Variants in TIMM10B observed in about 807,000 individuals in gnomAD.
The protein encoded by TIMM10B is translocase of inner mitochondrial membrane 10B, also known as mitochondrial import inner membrane translocase subunit Tim10 B.
Under a neutral mutation model 12.6 loss-of-function variants are expected in TIMM10B, and 17 were observed. That is an observed-to-expected ratio of 1.35 (90% CI 0.92 to 2.03). The LOEUF (loss-of-function observed/expected upper bound fraction) is 2.03. TIMM10B is among the 30% of genes most tolerant of loss of function. TIMM10B has a pLI of 0.00. For missense variants in TIMM10B, 165 were observed against 133.3 expected, an observed-to-expected ratio of 1.24 and a Z score of -1.17; for synonymous variants, 63 against 51.3, an observed-to-expected ratio of 1.23 and a Z score of -0.97.
chr11:6,481,551 G>T lies in TIMM10B; in HGVS notation c.35G>T (p.Arg12Leu). 6.2e-7 allele frequency: 1 copy of T among 1,608,276 alleles called. No homozygotes were observed. The highest frequency in any genetic ancestry group is 2.2e-5 in the East Asian group (1 of 44,722). ...CAGCAGCAGCAGCAACAGCAACTGCGAAACGTAAGTGAGAACTAAGTCGTT... is the reference window on the plus strand; with the variant it reads ...CAGCAGCAGCAGCAACAGCAACTGCTAAACGTAAGTGAGAACTAAGTCGTT... ...ERQQQQQQQL[R>L]NLRDFLLVYN... Residue 12 changes from arginine to leucine, a missense_variant, in exon 1 of 3, where the codon CGA (arginine) becomes CTA (leucine). By Grantham distance (102) the Arg-to-Leu change is moderately radical (BLOSUM62 -2). Transcript: ENST00000254616.
At position 6,481,832 on chromosome 11, in the gene TIMM10B, C is replaced by G; in HGVS notation, c.115C>G (p.Arg39Gly). ...GCGCTGTGTGCCCAGCTTGCACCACCGAGCTCTGGACGCTGAGGAGGTGGG... is the reference window on the plus strand; with the variant it reads ...GCGCTGTGTGCCCAGCTTGCACCACGGAGCTCTGGACGCTGAGGAGGTGGG... ...FQRCVPSLHHRALDAEEEACL... is the reference protein window; with the variant it reads ...FQRCVPSLHHGALDAEEEACL... Residue 39 changes from arginine (R) to glycine (G), a missense_variant, in exon 2 of 3, where the codon CGA becomes GGA. By Grantham distance (125) the Arg-to-Gly change is moderately radical. Coordinates refer to ENST00000254616, the MANE Select transcript of TIMM10B (RefSeq NM_012192.4). 6.2e-7 allele frequency: 1 copy of G among 1,613,986 alleles called. No homozygotes were observed. The highest frequency in any genetic ancestry group is 8.5e-7 in the Non-Finnish European group (1 of 1,180,036).
chr11:6,482,942 A>T lies in TIMM10B; in HGVS notation c.*721A>T, dbSNP rs1005427248. ...CTCCTTGGGAAGTTAGTGGCCACAG[A>T]AGAGAGATGAAACCTGTAAGAAGTC... On this transcript the variant is annotated 3_prime_UTR_variant, in exon 3 of 3. Coordinates refer to ENST00000254616, the MANE Select transcript of TIMM10B (RefSeq NM_012192.4). 1.3e-5 allele frequency: 2 copies of T among 152,240 alleles called. No homozygotes were observed. The highest frequency in any genetic ancestry group is 4.8e-5 in the African/African-American group (2 of 41,448). The allele number at this position is 152,240 out of a possible 1,614,324, so 9.4% of individuals were successfully genotyped here.
rs1851827117 is a variant in TIMM10B, at chr11:6,482,294, G to A, written c.*73G>A. The A allele has an allele frequency of 7.0e-7, 1 of 1,428,544 alleles. No individual in the cohort carries two copies. The allele number at this position is 1,428,544 out of a possible 1,614,324, so 88.5% of individuals were successfully genotyped here. A position where few individuals can be genotyped will look rare whatever the true frequency, so the allele number is the denominator to read the frequency against. On this transcript the variant is annotated 3_prime_UTR_variant, in exon 3 of 3. Transcript: ENST00000254616. ...AAGGACCCGGTGGACCTTGGGGTTGGTGAATCCTAAACAGAGAGAATTCGA... is the reference window on the plus strand; with the variant it reads ...AAGGACCCGGTGGACCTTGGGGTTGATGAATCCTAAACAGAGAGAATTCGA...
Position 6,482,046 on chromosome 11 carries a change from A to G in TIMM10B, c.137A>G (p.Glu46Gly). ...ACTTAAACCCTATCTTCCTTCTAGG[A>G]GGCCTGTCTGCACAGCTGTGCTGGG... Reference protein sequence around the residue: ...LHHRALDAEEEACLHSCAGKL... With the variant: ...LHHRALDAEEGACLHSCAGKL... Residue 46 changes from glutamate (E) to glycine (G), a missense_variant and splice_region_variant, in exon 3 of 3, where the codon GAG becomes GGG. Physicochemically the swap from Glu to Gly is moderately conservative, Grantham distance 98. Transcript: ENST00000254616. 1 of 1,611,504 alleles carries G rather than the reference A, an allele frequency of 6.2e-7. No homozygotes were observed. The highest frequency in any genetic ancestry group is 8.5e-7 in the Non-Finnish European group (1 of 1,177,968).
At chr11:6,481,928 C>T (rs1405974215) in intron 2 of TIMM10B, 76 bp downstream of exon 2, 2 of 1,602,794 alleles carry the variant, frequency 1.2e-6, no homozygotes, top group South Asian at 1.1e-5. Context: ...CCCCACTTCC[C>T]GTACCTCTGG....
chr11:6,482,060 A>G lies in TIMM10B; in HGVS notation c.151A>G (p.Ser51Gly). Residue 51 changes from serine to glycine, a missense_variant, in exon 3 of 3, where the codon AGC becomes GGC. Ser to Gly is a moderately conservative substitution (Grantham distance 56). Coordinates refer to ENST00000254616, the MANE Select transcript of TIMM10B (RefSeq NM_012192.4). Reference sequence around the variant, plus strand: ...TTCCTTCTAGGAGGCCTGTCTGCACAGCTGTGCTGGGAAGCTGATCCATTC... The same window carrying G: ...TTCCTTCTAGGAGGCCTGTCTGCACGGCTGTGCTGGGAAGCTGATCCATTC... ...LDAEEEACLHSCAGKLIHSNH... is the reference protein window; with the variant it reads ...LDAEEEACLHGCAGKLIHSNH... The G allele has an allele frequency of 1.2e-6, 2 of 1,613,570 alleles. No homozygotes were observed. The highest frequency in any genetic ancestry group is 1.7e-6 in the Non-Finnish European group (2 of 1,179,598).
In TIMM10B at chr11:6,482,289, G is replaced by A. The variant is rs1182288659; in HGVS notation, c.*68G>A. ...GATTGAAGGACCCGGTGGACCTTGG[G>A]GTTGGTGAATCCTAAACAGAGAGAA... On this transcript the variant is annotated 3_prime_UTR_variant, in exon 3 of 3. Coordinates refer to ENST00000254616, the MANE Select transcript of TIMM10B (RefSeq NM_012192.4). 47 of 1,450,614 alleles carry A rather than the reference G, an allele frequency of 3.2e-5. No individual in the cohort carries two copies. The highest frequency in any genetic ancestry group is 4.2e-5 in the African/African-American group (3 of 71,370). The allele number at this position is 1,450,614 out of a possible 1,614,324, so 89.9% of individuals were successfully genotyped here. A position where few individuals can be genotyped will look rare whatever the true frequency, so the allele number is the denominator to read the frequency against.
Position 6,482,173 on chromosome 11 carries a change from G to A in TIMM10B, c.264G>A (p.Val88=). 6.2e-7 allele frequency: 1 copy of A among 1,610,952 alleles called. No homozygotes were observed. Among genetic ancestry groups the A allele is most frequent in the African/African-American group, 1.3e-5 (1 of 75,062 alleles). The part of the protein sequence containing the change: ...RIADYEAASA[V]PGVAAEQPGV... ...CAGACTACGAGGCTGCCTCGGCTGT[G>A]CCAGGCGTTGCTGCTGAACAGCCTG... Residue 88 remains valine, a synonymous_variant, in exon 3 of 3, where the codon GTG becomes GTA. Transcript: ENST00000254616.
In TIMM10B at chr11:6,481,785, G is replaced by T. The variant is rs1384076079; in HGVS notation, c.68G>T (p.Arg23Leu). The change falls in exon 2 of 3, where the codon CGG (arginine) becomes CTG (leucine). Residue 23 changes from arginine to leucine, a missense_variant. Transcript: ENST00000254616. ...CGTGACTTCCTGTTGGTCTACAATC[G>T]GATGACAGAACTCTGCTTCCAGCGC... ...NLRDFLLVYNRMTELCFQRCV... is the reference protein window; with the variant it reads ...NLRDFLLVYNLMTELCFQRCV... The T allele has an allele frequency of 1.2e-6, 2 of 1,613,978 alleles. No homozygotes were observed. The highest frequency in any genetic ancestry group is 8.5e-7 in the Non-Finnish European group (1 of 1,180,042).
chr11:6,481,539 A>T lies in TIMM10B; in HGVS notation c.23A>T (p.Gln8Leu). 8 of 1,611,876 alleles carry T rather than the reference A, an allele frequency of 5.0e-6. No homozygotes were observed. The highest frequency in any genetic ancestry group is 6.8e-6 in the Non-Finnish European group (8 of 1,179,266). MERQQQQ[Q>L]QQLRNLRDFL... is the part of the protein sequence containing the mutation. Reference sequence around the variant, plus strand: ...GTGATGGAGCGGCAGCAGCAGCAGCAACAGCAACTGCGAAACGTAAGTGAG... The same window carrying T: ...GTGATGGAGCGGCAGCAGCAGCAGCTACAGCAACTGCGAAACGTAAGTGAG... The change falls in exon 1 of 3, where the codon CAA (glutamine) becomes CTA (leucine). Residue 8 changes from glutamine to leucine, a missense_variant. By Grantham distance (113) the Gln-to-Leu change is moderately radical (BLOSUM62 -2). Coordinates refer to ENST00000254616, the MANE Select transcript of TIMM10B (RefSeq NM_012192.4).
rs769008972 is a variant in TIMM10B at position 6,481,521 on chromosome 11, A to AGCG, written c.8_10dup (p.Arg3dup). ...ACGGCATGCGCCGGTGGCGTGATGG[A>AGCG]GCGGCAGCAGCAGCAGCAACAGCAA... On this transcript the variant is annotated inframe_insertion, in exon 1 of 3. Coordinates refer to ENST00000254616, the MANE Select transcript of TIMM10B (RefSeq NM_012192.4). 9.3e-6 allele frequency: 15 copies of AGCG among 1,611,994 alleles called. No homozygotes were observed. Among genetic ancestry groups the AGCG allele is most frequent in the African/African-American group, 4.0e-5 (3 of 74,608 alleles).
Position 6,481,760 on chromosome 11 carries a change from C to G in TIMM10B, c.43C>G (p.Arg15Gly), listed in dbSNP as rs770110036. 4 of 1,614,140 alleles carry G rather than the reference C, an allele frequency of 2.5e-6. No homozygotes were observed. Among genetic ancestry groups the G allele is most frequent in the Non-Finnish European group, 3.4e-6 (4 of 1,180,036 alleles). Residue 15 changes from arginine to glycine, a missense_variant, in exon 2 of 3, where the codon CGT becomes GGT. Transcript: ENST00000254616. The part of the protein sequence containing the change: ...QQQQQQLRNL[R>G]DFLLVYNRMT... ...TGTGGTCCCCCTTTTCTCTCAGCTGCGTGACTTCCTGTTGGTCTACAATCG... is the reference window on the plus strand; with the variant it reads ...TGTGGTCCCCCTTTTCTCTCAGCTGGGTGACTTCCTGTTGGTCTACAATCG...
rs746393652 is a variant in TIMM10B, at chr11:6,482,128, C to T, written c.219C>T (p.Ala73=). The T allele has an allele frequency of 8.7e-6, 14 of 1,613,382 alleles. No individual in the cohort carries two copies. The highest frequency in any genetic ancestry group is 6.7e-5 in the Admixed American group (4 of 60,014). Residue 73 remains alanine (A), a synonymous_variant, in exon 3 of 3, where the codon GCC becomes GCT. Coordinates refer to ENST00000254616, the MANE Select transcript of TIMM10B (RefSeq NM_012192.4). ...LMAAYVQLMP[A]LVQRRIADYE... The stretch of plus-strand genomic sequence containing the variant: ...CCGCTTACGTGCAGCTCATGCCTGC[C>T]CTGGTACAGCGCCGCATCGCAGACT...
chr11:6,481,820 A>T lies in TIMM10B; in HGVS notation c.103A>T (p.Ser35Cys). The T allele has an allele frequency of 1.2e-6, 2 of 1,613,470 alleles. No homozygotes were observed. The highest frequency in any genetic ancestry group is 1.6e-4 in the Middle Eastern group (1 of 6,062). ...TELCFQRCVP[S>C]LHHRALDAEE... Reference sequence around the variant, plus strand: ...ACTCTGCTTCCAGCGCTGTGTGCCCAGCTTGCACCACCGAGCTCTGGACGC... The same window carrying T: ...ACTCTGCTTCCAGCGCTGTGTGCCCTGCTTGCACCACCGAGCTCTGGACGC... Residue 35 changes from serine to cysteine, a missense_variant, in exon 2 of 3, where the codon AGC (serine) becomes TGC (cysteine). Coordinates refer to ENST00000254616, the MANE Select transcript of TIMM10B (RefSeq NM_012192.4).
rs561685079 is a variant in TIMM10B, at chr11:6,482,402, G to T, written c.*181G>T. 2 of 594,358 alleles carry T rather than the reference G, an allele frequency of 3.4e-6. No individual in the cohort carries two copies. Among genetic ancestry groups the T allele is most frequent in the South Asian group, 2.3e-5 (1 of 43,314 alleles). 36.8% of individuals were successfully genotyped at this position (594,358 alleles called of 1,614,324 possible). A position where few individuals can be genotyped will look rare whatever the true frequency, so the allele number is the denominator to read the frequency against. ...TTACTCAGTTTGATTTATATTCTGG[G>T]CAAGGAAGCTTTGCCTACTTTATTG... is the stretch of plus-strand genomic sequence containing the variant. On this transcript the variant is annotated 3_prime_UTR_variant, in exon 3 of 3. Transcript: ENST00000254616.
Position 6,482,201 on chromosome 11 carries a change from G to T in TIMM10B, c.292G>T (p.Val98Phe). Reference protein sequence around the residue: ...VPGVAAEQPGVSPSGS With the variant: ...VPGVAAEQPGFSPSGS Reference sequence around the variant, plus strand: ...AGGCGTTGCTGCTGAACAGCCTGGGGTCTCTCCATCAGGCAGCTAGCCATA... The same window carrying T: ...AGGCGTTGCTGCTGAACAGCCTGGGTTCTCTCCATCAGGCAGCTAGCCATA... The change falls in exon 3 of 3, where the codon GTC becomes TTC. Residue 98 changes from valine to phenylalanine, a missense_variant. Coordinates refer to ENST00000254616, the MANE Select transcript of TIMM10B (RefSeq NM_012192.4). 6.2e-7 allele frequency: 1 copy of T among 1,608,038 alleles called. No homozygotes were observed. The highest frequency in any genetic ancestry group is 8.5e-7 in the Non-Finnish European group (1 of 1,179,340).
At position 6,481,768 on chromosome 11, in the gene TIMM10B, C is replaced by A. The variant is rs763434255; in HGVS notation, c.51C>A (p.Phe17Leu). The change falls in exon 2 of 3, where the codon TTC becomes TTA. Residue 17 changes from phenylalanine (F) to leucine (L), a missense_variant. By Grantham distance (22) the Phe-to-Leu change is conservative. Coordinates refer to ENST00000254616, the MANE Select transcript of TIMM10B (RefSeq NM_012192.4). The part of the protein sequence containing the change: ...QQQQLRNLRD[F>L]LLVYNRMTEL... ...CCCTTTTCTCTCAGCTGCGTGACTT[C>A]CTGTTGGTCTACAATCGGATGACAG... 4 of 1,614,018 alleles carry A rather than the reference C, an allele frequency of 2.5e-6. No homozygotes were observed. The African/African-American group carries it at 5.3e-5, about 22-fold the overall frequency.
At position 6,481,544 on chromosome 11, in the gene TIMM10B, C is replaced by T; in HGVS notation, c.28C>T (p.Gln10Ter). 1 of 1,610,948 alleles carries T rather than the reference C, an allele frequency of 6.2e-7. No individual in the cohort carries two copies. Residue 10 changes from glutamine to a stop codon, truncating the protein, a stop_gained, in exon 1 of 3, where the codon CAA (glutamine) becomes TAA (stop). Transcript: ENST00000254616. LOFTEE classifies it high-confidence loss of function. MERQQQQQQ[Q>*]LRNLRDFLLV... ...GGAGCGGCAGCAGCAGCAGCAACAG[C>T]AACTGCGAAACGTAAGTGAGAACTA...
Position 6,481,506 on chromosome 11 carries a change from C to T in TIMM10B, c.-11C>T, listed in dbSNP as rs1376353274. ...AAACGGAAGTGGCGTACGGCATGCGCCGGTGGCGTGATGGAGCGGCAGCAG... is the reference window on the plus strand; with the variant it reads ...AAACGGAAGTGGCGTACGGCATGCGTCGGTGGCGTGATGGAGCGGCAGCAG... On this transcript the variant is annotated 5_prime_UTR_variant, in exon 1 of 3. Coordinates refer to ENST00000254616, the MANE Select transcript of TIMM10B (RefSeq NM_012192.4). 1 of 1,612,704 alleles carries T rather than the reference C, an allele frequency of 6.2e-7. No individual in the cohort carries two copies. Among genetic ancestry groups the T allele is most frequent in the East Asian group, 2.2e-5 (1 of 44,818 alleles).
Sources: gnomAD v4.1 joint callset for allele counts on GRCh38, gnomAD v4.1.1 for gene constraint, MANE v1.5 for transcripts, NCBI Gene and HGNC (gene_info 2026-07-23, HGNC 2026-07-21) for gene names.